DCBLD1: variants seen among roughly 807,000 people sequenced by gnomAD.
The protein encoded by DCBLD1 is discoidin, CUB and LCCL domain-containing protein 1.
A neutral mutation model predicts 71.5 loss-of-function variants in DCBLD1; 57 were observed. The ratio of observed to expected loss-of-function variants is 0.80; its 90% CI spans 0.64 to 0.99. The LOEUF (loss-of-function observed/expected upper bound fraction) is 0.99, where lower values mean the gene tolerates loss of function less well. Among genes scored for constraint, DCBLD1 ranks in the 50% least tolerant of loss-of-function variants. The probability of loss-of-function intolerance (pLI) is 0.00; values close to 1 mark genes in which losing one functional copy is unlikely to be tolerated. For synonymous variants in DCBLD1, 380 were observed against 363.8 expected, an observed-to-expected ratio of 1.04 and a Z score of -0.51; for missense variants, 891 against 923.5, an observed-to-expected ratio of 0.96 and a Z score of 0.46.
rs1022283935 is a variant in DCBLD1, at chr6:117,503,698, G to T, written c.113-69G>T. The T allele has an allele frequency of 2.4e-5, 37 of 1,524,592 alleles. 1 individual carries two copies. The highest frequency in any genetic ancestry group is 3.3e-5 in the Non-Finnish European group (37 of 1,105,454). 94.4% of individuals were successfully genotyped at this position (1,524,592 alleles called of 1,614,324 possible). A position where few individuals can be genotyped will look rare whatever the true frequency, so the allele number is the denominator to read the frequency against. Reference sequence around the variant, plus strand: ...AATACATAACTTGGAGATTGTATTGGACTCTCAATCCTCAGTAAGAATTAA... The same window carrying T: ...AATACATAACTTGGAGATTGTATTGTACTCTCAATCCTCAGTAAGAATTAA... On this transcript the variant is annotated intron_variant, in intron 1 of 14. Coordinates refer to ENST00000338728, the MANE Select transcript of DCBLD1 (RefSeq NM_001366458.2).
intron 1 of DCBLD1, among the ~76,000 whole-genome samples, chr6:117,500,619 C>T (rs185498020): frequency 6.6e-6 from 1 of 152,186 alleles, no homozygotes; most frequent in African/African-American, 2.4e-5. Context: ...GTAATCCCAG[C>T]ACTTTGGGAG....
intron 1 of DCBLD1, among the ~76,000 whole-genome samples, chr6:117,489,745 C>T (rs1473084989): frequency 1.3e-5 from 2 of 152,090 alleles, no homozygotes; most frequent in Non-Finnish European, 2.9e-5. Flanking sequence ...ATTAGCCGGG[C>T]GTGGTGGCGG....
intron 5 of DCBLD1, among the ~76,000 whole-genome samples, chr6:117,527,426 T>A (rs1050667535): frequency 6.6e-6 from 1 of 152,114 alleles, no homozygotes; most frequent in African/African-American, 2.4e-5. Flanking sequence ...CCAAAGCATA[T>A]CCTATAGGTC....
chr6:117,528,640 A>C (rs899313107), intron 5 of DCBLD1, among the ~76,000 whole-genome samples: 4 of 152,210 alleles, frequency 2.6e-5, no homozygotes, highest in Non-Finnish European at 5.9e-5. Flanking sequence ...TTTATTGTAG[A>C]TAATGCCATC....
chr6:117,485,619 A>T (rs992843572), intron 1 of DCBLD1, among the ~76,000 whole-genome samples: 1 of 152,208 alleles, frequency 6.6e-6, no homozygotes, highest in African/African-American at 2.4e-5. Context: ...AGAGACTGGG[A>T]CTATATAGTC....
rs766457761 is a variant in DCBLD1 at position 117,538,696 on chromosome 6, T to C, written c.837T>C (p.Ser279=). ...ASSSWQSVNE[S]GDQVHWSPGQ... ...CCTCATGGCAGTCGGTCAATGAGAG[T>C]GGAGACCAAGTTCACTGGTCTCCTG... Residue 279 remains serine, a synonymous_variant, in exon 8 of 15, where the codon AGT becomes AGC. Coordinates refer to ENST00000338728, the MANE Select transcript of DCBLD1 (RefSeq NM_001366458.2). The C allele has an allele frequency of 6.2e-7, 1 of 1,613,978 alleles. No homozygotes were observed. Among genetic ancestry groups the C allele is most frequent in the African/African-American group, 1.3e-5 (1 of 74,880 alleles).
chr6:117,534,615 G>A (rs940876756), intron 6 of DCBLD1, among the ~76,000 whole-genome samples: 7 of 152,126 alleles, frequency 4.6e-5, no homozygotes, highest in Non-Finnish European at 1.0e-4. Context: ...AGGAAAACAG[G>A]ATAACAAAAA....
intron 1 of DCBLD1, among the ~76,000 whole-genome samples, chr6:117,486,155 A>G (rs890312506): frequency 2.6e-5 from 4 of 152,242 alleles, no homozygotes; most frequent in Admixed American, 6.5e-5. Flanking sequence ...TTAAAAAACC[A>G]CAGCTTGGAA....
chr6:117,517,661 C>A (rs1325716699), intron 2 of DCBLD1, among the ~76,000 whole-genome samples: 1 of 152,186 alleles, frequency 6.6e-6, no homozygotes, highest in Non-Finnish European at 1.5e-5. Context: ...GTTCCCAAAC[C>A]CCAATTCTTG....
intron 3 of DCBLD1, 81 bp downstream of exon 3, chr6:117,520,031 A>G (rs960404909): frequency 4.4e-6 from 7 of 1,581,834 alleles, no homozygotes; most frequent in African/African-American, 2.7e-5. Context: ...ATCCCTGGAC[A>G]TAATTGTGGA....
At chr6:117,566,733 A>G in intron 14 of DCBLD1, 3 of 581,268 alleles carry the variant, frequency 5.2e-6, no homozygotes, top group Non-Finnish European at 8.7e-6. Context: ...AACAAGGGAA[A>G]GCTCTTCATT....
intron 2 of DCBLD1, among the ~76,000 whole-genome samples, chr6:117,511,628 A>G (rs1001855797): frequency 6.6e-6 from 1 of 152,248 alleles, no homozygotes; most frequent in Non-Finnish European, 1.5e-5. Context: ...AGGTTTCTGC[A>G]TGTCATTTTT....
intron 1 of DCBLD1, among the ~76,000 whole-genome samples, chr6:117,487,132 C>T (rs1777116496): frequency 6.6e-6 from 1 of 152,142 alleles, no homozygotes; most frequent in African/African-American, 2.4e-5. Flanking sequence ...CTCTGGAGCA[C>T]TTACCCTCTT....
intron 2 of DCBLD1, among the ~76,000 whole-genome samples, chr6:117,507,341 G>T (rs983313379): frequency 5.3e-5 from 8 of 152,116 alleles, no homozygotes; most frequent in African/African-American, 1.7e-4. Context: ...AGCAAAATAT[G>T]CACTTGATCT....
At chr6:117,504,313 C>G (rs1777765277) in intron 2 of DCBLD1, among the ~76,000 whole-genome samples, 1 of 152,122 alleles carries the variant, frequency 6.6e-6, no homozygotes, top group African/African-American at 2.4e-5. Context: ...GAACAGTGAC[C>G]ATGTTTCAGG....
rs770065732 is a variant in DCBLD1, at chr6:117,547,899, G to T, written c.1616-8G>T. ...GCCCGCTAGCTGCCATCTGTCTTGT[G>T]GTTTCAGATTACCAGCAGCCCCTCA... On this transcript the variant is annotated splice_region_variant and splice_polypyrimidine_tract_variant and intron_variant, in intron 14 of 14. Coordinates refer to ENST00000338728, the MANE Select transcript of DCBLD1 (RefSeq NM_001366458.2). 1.9e-6 allele frequency: 3 copies of T among 1,550,474 alleles called. No individual in the cohort carries two copies. In the South Asian group the frequency reaches 3.6e-5, roughly 18 times the overall value.
chr6:117,491,588 A>G (rs1935671073), intron 1 of DCBLD1, among the ~76,000 whole-genome samples: 1 of 152,196 alleles, frequency 6.6e-6, no homozygotes, highest in African/African-American at 2.4e-5. Context: ...ACACCTAAGA[A>G]AACTAATAGT....
intron 14 of DCBLD1, among the ~76,000 whole-genome samples, chr6:117,555,736 AG>A (rs971601321): frequency 9.2e-5 from 14 of 152,204 alleles, no homozygotes; most frequent in African/African-American, 3.4e-4. Context: ...CATCATTTTT[AG>A]AAATCAAAAC....
At chr6:117,510,103 A>G (rs1037551987) in intron 2 of DCBLD1, among the ~76,000 whole-genome samples, 1 of 152,170 alleles carries the variant, frequency 6.6e-6, no homozygotes, top group African/African-American at 2.4e-5. Context: ...AAAAATTGTT[A>G]ATTGTGCCCC....
Sources: allele counts gnomAD v4.1 joint callset (sites outside exome capture counted in the v4.1 genomes callset), GRCh38; gene constraint gnomAD v4.1.1; transcripts MANE v1.5; gene names NCBI Gene and HGNC (gene_info 2026-07-23, HGNC 2026-07-21).